Variants in ZEB2 observed in about 807,000 individuals in gnomAD.
ZEB2 encodes zinc finger E-box-binding homeobox 2.
ZEB2 carries 6 observed loss-of-function variants against 99.9 expected under a neutral mutation model. The ratio of observed to expected loss-of-function variants is 0.06; its 90% confidence interval spans 0.03 to 0.12. The LOEUF is 0.12. ZEB2 is among the 10% of genes least tolerant of loss of function. The pLI, the probability that ZEB2 is intolerant of heterozygous loss-of-function variation, is 1.00. For synonymous variants in ZEB2, 517 were observed against 542.5 expected (o/e 0.95, Z 0.65); for missense variants, 969 against 1,502.8 (o/e 0.64, Z 5.87).
In ZEB2 at chr2:144,399,313, G is replaced by C; in HGVS notation, c.1874C>G (p.Ala625Gly). 1 of 1,614,150 alleles carries C rather than the reference G, an allele frequency of 6.2e-7. No homozygotes were observed. The highest frequency in any genetic ancestry group is 8.5e-7 in the Non-Finnish European group (1 of 1,180,014). Reference protein sequence around the residue: ...QPHENIVPNKAGVFVDNKALL... With the variant: ...QPHENIVPNKGGVFVDNKALL... ...GGCTTTATTATCAACAAAAACTCCG[G>C]CTTTGTTGGGGACTATGTTTTCATG... Residue 625 changes from alanine to glycine, a missense_variant, in exon 8 of 10, where the codon GCC becomes GGC. Transcript: ENST00000627532. The surrounding 1 kb of genome is among the most constrained non-coding windows in gnomAD (Gnocchi z 5.6).
At chr2:144,510,344 C>G (rs1353851128) in intron 2 of ZEB2, among the ~76,000 whole-genome samples, 1 of 151,492 alleles carries the variant, frequency 6.6e-6, no homozygotes, top group Admixed American at 6.6e-5. Flanking sequence ...CTCCAGCTCG[C>G]CCGTCCCTCC....
At chr2:144,509,879 T>C (rs1328842801) in intron 2 of ZEB2, among the ~76,000 whole-genome samples, 2 of 152,176 alleles carry the variant, frequency 1.3e-5, no homozygotes, top group Non-Finnish European at 2.9e-5. Flanking sequence ...CAGGTCTGCC[T>C]GCGAGGGTTT....
intron 2 of ZEB2, among the ~76,000 whole-genome samples, chr2:144,483,526 A>G (rs1450742323): frequency 6.6e-6 from 1 of 152,234 alleles, no homozygotes. Flanking sequence ...ACTTTTGAAG[A>G]AGATCAAACA....
chr2:144,424,689 G>A (rs965394601), intron 4 of ZEB2, 107 bp downstream of exon 4: 3 of 1,339,316 alleles, frequency 2.2e-6, no homozygotes, highest in South Asian at 2.4e-5. Flanking sequence ...TTGACTACTT[G>A]TTAAGTCATG....
chr2:144,514,586 G>A (rs1705098401), intron 2 of ZEB2: 1 of 152,250 alleles, frequency 6.6e-6, no homozygotes, highest in Non-Finnish European at 1.5e-5. Flanking sequence ...AAAGGCATTG[G>A]ATATGTGTTT....
Position 144,463,377 on chromosome 2 carries a change from A to T in ZEB2, c.74-33351T>A, listed in dbSNP as rs113864351. ...TCAAAACTAATAGCCAAAGCAAATCATAAGAAAAAAAAAGAAAAGAGGTTA... is the reference window on the plus strand; with the variant it reads ...TCAAAACTAATAGCCAAAGCAAATCTTAAGAAAAAAAAAGAAAAGAGGTTA... On this transcript the variant is annotated intron_variant, in intron 2 of 9. Transcript: ENST00000627532. The T allele has an allele frequency of 1.0e-3, 155 of 152,304 alleles. 1 individual carries two copies. The highest frequency in any genetic ancestry group is 3.4e-3 in the African/African-American group (143 of 41,572). 9.4% of individuals were successfully genotyped at this position (152,304 alleles called of 1,614,324 possible). A position where few individuals can be genotyped will look rare whatever the true frequency, so the allele number is the denominator to read the frequency against.
At chr2:144,441,123 A>G (rs752644168) in intron 2 of ZEB2, among the ~76,000 whole-genome samples, 5 of 140,564 alleles carry the variant, frequency 3.6e-5, no homozygotes, top group African/African-American at 5.4e-5. Context: ...AAGTCGTTCA[A>G]TGATCACCCT....
chr2:144,398,383 A>G lies in ZEB2; in HGVS notation c.2804T>C (p.Met935Thr), dbSNP rs201902790. 1.8e-5 allele frequency: 29 copies of G among 1,613,912 alleles called. No homozygotes were observed. Among genetic ancestry groups the G allele is most frequent in the Non-Finnish European group, 1.6e-5 (19 of 1,179,990 alleles). Reference sequence around the variant, plus strand: ...TGCTCCAGTTGGGTAGGTGTAGGCCATATGTGGTAGGAAGCTCATCTGATC... The same window carrying G: ...TGCTCCAGTTGGGTAGGTGTAGGCCGTATGTGGTAGGAAGCTCATCTGATC... ...GLDQMSFLPH[M>T]AYTYPTGAAT... The change falls in exon 8 of 10, where the codon ATG (methionine) becomes ACG (threonine). Residue 935 changes from methionine to threonine, a missense_variant. Physicochemically the swap from Met to Thr is moderately conservative, Grantham distance 81. Around this residue, in one of 8 missense-constraint regions of ZEB2, gnomAD observed 346 missense variants for 460.0 expected, o/e 0.75. Transcript: ENST00000627532.
rs548271583 is a variant in ZEB2, at chr2:144,417,758, T to C, written c.403+7038A>G. On this transcript the variant is annotated intron_variant, in intron 4 of 9. Coordinates refer to ENST00000627532, the MANE Select transcript of ZEB2 (RefSeq NM_014795.4). The stretch of plus-strand genomic sequence containing the variant: ...TACAGTTAGATAGGAGAAATAGTTA[T>C]GTTGGTCTATTATGTGACTGGAGCT... Among the ~76,000 whole-genome samples, 12 of 152,266 alleles carry C rather than the reference T, an allele frequency of 7.9e-5. No individual in the cohort carries two copies. The South Asian group carries it at 2.1e-3, about 26-fold the overall frequency.
At chr2:144,423,786 C>A (rs1314241131) in intron 4 of ZEB2, among the ~76,000 whole-genome samples, 1 of 152,136 alleles carries the variant, frequency 6.6e-6, no homozygotes, top group South Asian at 2.1e-4. Context: ...ACATTTTAAA[C>A]AGAAACACAA....
chr2:144,432,424 C>T (rs1448949504), intron 2 of ZEB2, among the ~76,000 whole-genome samples: 2 of 152,148 alleles, frequency 1.3e-5, no homozygotes, highest in African/African-American at 4.8e-5. Context: ...CTCCCAACCC[C>T]TTTTTAAATC....
chr2:144,478,900 T>C (rs190673420), intron 2 of ZEB2, among the ~76,000 whole-genome samples: 66 of 152,334 alleles, frequency 4.3e-4, no homozygotes, highest in Admixed American at 3.9e-3. Flanking sequence ...CCCATGTTTT[T>C]ATGAAAACAA....
intron 2 of ZEB2, chr2:144,512,657 G>T (rs568032420): frequency 2.5e-4 from 325 of 1,287,198 alleles, no homozygotes; most frequent in Middle Eastern, 3.3e-4. Context: ...CCTTAGTCCT[G>T]GTGGACTGTC....
chr2:144,490,598 T>G (rs1704663270), intron 2 of ZEB2, among the ~76,000 whole-genome samples: 1 of 152,172 alleles, frequency 6.6e-6, no homozygotes, highest in Non-Finnish European at 1.5e-5. Flanking sequence ...TTTTCTAGGA[T>G]TTACATCTGA....
chr2:144,476,705 G>C (rs1704435284), intron 2 of ZEB2, among the ~76,000 whole-genome samples: 1 of 152,134 alleles, frequency 6.6e-6, no homozygotes, highest in Non-Finnish European at 1.5e-5. Flanking sequence ...GTTTCACTAA[G>C]TTCCTGGGTG....
At chr2:144,459,912 C>G (rs1443791370) in intron 2 of ZEB2, among the ~76,000 whole-genome samples, 1 of 152,130 alleles carries the variant, frequency 6.6e-6, no homozygotes, top group African/African-American at 2.4e-5. Context: ...GATTTTAACA[C>G]TCCGAAACTT....
At chr2:144,476,636 T>C (rs567517219) in intron 2 of ZEB2, among the ~76,000 whole-genome samples, 91 of 152,206 alleles carry the variant, frequency 6.0e-4, no homozygotes, top group Non-Finnish European at 1.1e-3. Flanking sequence ...AAACTTCTCA[T>C]AGGAAAATAA....
At chr2:144,437,100 A>G (rs1703849429) in intron 2 of ZEB2, among the ~76,000 whole-genome samples, 1 of 152,130 alleles carries the variant, frequency 6.6e-6, no homozygotes, top group South Asian at 2.1e-4. Flanking sequence ...CGCTCCTTTC[A>G]TTTAGTGAGT....
rs780189288 is a variant in ZEB2 at position 144,398,445 on chromosome 2, C to T, written c.2742G>A (p.Gln914=). 1.9e-5 allele frequency: 31 copies of T among 1,613,902 alleles called. No individual in the cohort carries two copies. The highest frequency in any genetic ancestry group is 2.4e-5 in the Non-Finnish European group (28 of 1,180,000). ...ATGGTCGTAGCCCAGGAATACTGGT[C>T]TGGACTGGTGGCATGAAAGTAGCAG... ...FPPATFMPPV[Q]TSIPGLRPYP... The change falls in exon 8 of 10, where the codon CAG becomes CAA. Residue 914 remains glutamine (Q), a synonymous_variant. Transcript: ENST00000627532.
Sources: allele counts gnomAD v4.1 joint callset (sites outside exome capture counted in the v4.1 genomes callset), GRCh38; gene constraint gnomAD v4.1.1; regional missense constraint gnomAD v4.1.1; non-coding constraint Gnocchi (gnomAD v3.1); transcripts MANE v1.5; gene names NCBI Gene and HGNC (gene_info 2026-07-23, HGNC 2026-07-21).